PXK: variants seen among roughly 807,000 people sequenced by gnomAD.
PXK encodes the protein PX domain containing serine/threonine kinase like, also known as PX domain-containing protein kinase-like protein.
Under a neutral mutation model 84.7 loss-of-function variants are expected in PXK, and 35 were observed. That is an observed-to-expected ratio of 0.41 (90% CI 0.32 to 0.55). The LOEUF (loss-of-function observed/expected upper bound fraction) is 0.55. PXK is among the 20% of genes least tolerant of loss of function. The pLI is 0.21. For synonymous variants in PXK, 253 were observed against 260.8 expected (o/e 0.97, Z 0.29); for missense variants, 634 against 699.7 (o/e 0.91, Z 1.06).
intron 16 of PXK, 56 bp downstream of exon 16, chr3:58,410,215 C>A: frequency 7.4e-7 from 1 of 1,355,592 alleles, no homozygotes; most frequent in Non-Finnish European, 1.1e-6. Flanking sequence ...GATCAGGAGT[C>A]TCTAGTTGGT....
chr3:58,423,039 AC>A, intron 17 of PXK: 1 of 984,908 alleles, frequency 1.0e-6, no homozygotes, highest in African/African-American at 1.7e-5. Context: ...GCACCTACTT[AC>A]CCCCAAGTGG....
rs2059546847 is a variant in PXK, at chr3:58,407,331, T to G, written c.1231-1593T>G. On this transcript the variant is annotated intron_variant, in intron 13 of 17. Coordinates refer to ENST00000356151, the MANE Select transcript of PXK (RefSeq NM_017771.5). The surrounding 1 kb of genome is among the most constrained non-coding windows in gnomAD (Gnocchi z 4.3). ...AGACATTGAGTGTCTTTTCATATGT[T>G]TTTTGGCCATTTGTATATTTTCTTT... Among the ~76,000 whole-genome samples, 1 of 152,206 alleles carries G rather than the reference T, an allele frequency of 6.6e-6. No homozygotes were observed. Among genetic ancestry groups the G allele is most frequent in the Non-Finnish European group, 1.5e-5 (1 of 68,044 alleles).
chr3:58,401,216 G>A lies in PXK; in HGVS notation c.1181+1839G>A, dbSNP rs992189798. ...ATGTTCAATTAAAATGTGTCCTCTG[G>A]AAGTAAAGAGATGTGTGGCTGAGGG... On this transcript the variant is annotated intron_variant, in intron 12 of 17. Coordinates refer to ENST00000356151, the MANE Select transcript of PXK (RefSeq NM_017771.5). The surrounding 1 kb of genome is among the most constrained non-coding windows in gnomAD (Gnocchi z 4.4). Among the ~76,000 whole-genome samples, 17 of 152,188 alleles carry A rather than the reference G, an allele frequency of 1.1e-4. No individual in the cohort carries two copies. Among genetic ancestry groups the A allele is most frequent in the Admixed American group, 3.9e-4 (6 of 15,282 alleles).
intron 7 of PXK, among the ~76,000 whole-genome samples, chr3:58,393,416 A>G (rs11130635): frequency 0.29 from 44,485 of 151,970 alleles, 7,253 homozygotes; most frequent in Middle Eastern, 0.39. Context: ...GAACCAAAAT[A>G]TTCAGTTGTT....
intron 17 of PXK, among the ~76,000 whole-genome samples, chr3:58,423,941 CG>C: frequency 6.6e-6 from 1 of 152,140 alleles, no homozygotes; most frequent in East Asian, 1.9e-4. Flanking sequence ...TTGCCCACTG[CG>C]GTACAGCACG....
In PXK at chr3:58,397,155, G is replaced by A. The variant is rs1427118124; in HGVS notation, c.939G>A (p.Leu313=). The A allele has an allele frequency of 3.1e-6, 5 of 1,614,156 alleles. No individual in the cohort carries two copies. Among genetic ancestry groups the A allele is most frequent in the African/African-American group, 2.7e-5 (2 of 75,046 alleles). Residue 313 remains leucine, a synonymous_variant, in exon 10 of 18, where the codon CTG becomes CTA. Coordinates refer to ENST00000356151, the MANE Select transcript of PXK (RefSeq NM_017771.5). The surrounding 1 kb of genome is among the most constrained non-coding windows in gnomAD (Gnocchi z 4.7). ...LLDLENSLLG[L]PSFYRSYFSQ... ...ACCTTGAGAATTCCTTATTGGGCCT[G>A]CCTTCCTTCTACCGATCTTATTTTT...
Position 58,395,108 on chromosome 3 carries a change from T to C in PXK, c.720+6T>C. ...TGAAGGATCTGATCTACAAGGTACC[T>C]GTGCAAGTTCATGGTCATAAGGAAT... On this transcript the variant is annotated splice_donor_region_variant and intron_variant, in intron 8 of 17. Transcript: ENST00000356151. The C allele has an allele frequency of 5.0e-6, 8 of 1,587,048 alleles. No individual in the cohort carries two copies. The highest frequency in any genetic ancestry group is 6.1e-6 in the Non-Finnish European group (7 of 1,156,050).
At chr3:58,343,186 C>T (rs781434745) in intron 1 of PXK, among the ~76,000 whole-genome samples, 1 of 152,222 alleles carries the variant, frequency 6.6e-6, no homozygotes. Context: ...CCTTTTGAGC[C>T]TGCCCTTCCA....
At chr3:58,403,154 A>G (rs1432843441) in intron 12 of PXK, among the ~76,000 whole-genome samples, 1 of 151,768 alleles carries the variant, frequency 6.6e-6, no homozygotes, top group Non-Finnish European at 1.5e-5. Flanking sequence ...ATAGGCACGC[A>G]CCACCACACC....
In PXK at chr3:58,383,330, C is replaced by T. The variant is rs1470047064; in HGVS notation, c.388+630C>T. Among the ~76,000 whole-genome samples, 1 of 152,150 alleles carries T rather than the reference C, an allele frequency of 6.6e-6. No individual in the cohort carries two copies. The highest frequency in any genetic ancestry group is 1.5e-5 in the Non-Finnish European group (1 of 68,036). Reference sequence around the variant, plus strand: ...TAATAATAATTAATCCACAATAACGCATACAGTAATTTTTATATTACTTTT... The same window carrying T: ...TAATAATAATTAATCCACAATAACGTATACAGTAATTTTTATATTACTTTT... On this transcript the variant is annotated intron_variant, in intron 4 of 17. Transcript: ENST00000356151. This position sits in a 1 kb window ranked among gnomAD's most constrained non-coding sequence, Gnocchi z 4.0.
At chr3:58,353,210 A>G (rs1048191803) in intron 1 of PXK, among the ~76,000 whole-genome samples, 25 of 152,136 alleles carry the variant, frequency 1.6e-4, no homozygotes, top group South Asian at 6.2e-4. Flanking sequence ...TGTTAGCCAG[A>G]ATGGTCTTGA....
intron 17 of PXK, chr3:58,422,727 G>A: frequency 1.0e-6 from 1 of 985,374 alleles, no homozygotes. Context: ...TGCCAAGATG[G>A]CAGCCCCTAC....
intron 1 of PXK, among the ~76,000 whole-genome samples, chr3:58,339,116 T>C (rs908126007): frequency 6.6e-6 from 1 of 152,198 alleles, no homozygotes; most frequent in Non-Finnish European, 1.5e-5. Flanking sequence ...AACCCTGAGT[T>C]GAAAGCTTTT....
In PXK at chr3:58,397,225, G is replaced by A. The variant is rs1345878680; in HGVS notation, c.984+25G>A. 13 of 1,609,048 alleles carry A rather than the reference G, an allele frequency of 8.1e-6. No homozygotes were observed. Among genetic ancestry groups the A allele is most frequent in the South Asian group, 1.1e-5 (1 of 90,950 alleles). On this transcript the variant is annotated intron_variant, in intron 10 of 17. Coordinates refer to ENST00000356151, the MANE Select transcript of PXK (RefSeq NM_017771.5). The surrounding 1 kb of genome is among the most constrained non-coding windows in gnomAD (Gnocchi z 4.7). Reference sequence around the variant, plus strand: ...TGTAAGTTGCTAAAGTAATGAAATAGCAGGTTCATTTTTAGGTGTCAGTTA... The same window carrying A: ...TGTAAGTTGCTAAAGTAATGAAATAACAGGTTCATTTTTAGGTGTCAGTTA...
rs1451911599 is a variant in PXK at position 58,411,632 on chromosome 3, C to T, written c.1466-1269C>T. ...TGCTCTCTACCTTCTAAGACCCTGC[C>T]TGCCTGCAAAGCTGTGTCACATGAA... On this transcript the variant is annotated intron_variant, in intron 16 of 17. Coordinates refer to ENST00000356151, the MANE Select transcript of PXK (RefSeq NM_017771.5). The surrounding 1 kb of genome is among the most constrained non-coding windows in gnomAD (Gnocchi z 4.2). Among the ~76,000 whole-genome samples, 1 of 152,134 alleles carries T rather than the reference C, an allele frequency of 6.6e-6. No individual in the cohort carries two copies. The highest frequency in any genetic ancestry group is 2.4e-5 in the African/African-American group (1 of 41,426).
chr3:58,420,528 G>C (rs764096372), intron 17 of PXK: 1 of 1,535,840 alleles, frequency 6.5e-7, no homozygotes, highest in South Asian at 1.2e-5. Flanking sequence ...TCTCTTTGCT[G>C]TTTTCAGTAG....
intron 17 of PXK, among the ~76,000 whole-genome samples, chr3:58,417,153 A>G (rs1467358740): frequency 6.6e-6 from 1 of 151,992 alleles, no homozygotes; most frequent in African/African-American, 2.4e-5. Flanking sequence ...CACTCCTCTC[A>G]CCTCAGCCTC....
At chr3:58,417,006 G>C (rs1355058809) in intron 17 of PXK, among the ~76,000 whole-genome samples, 5 of 152,202 alleles carry the variant, frequency 3.3e-5, no homozygotes, top group Non-Finnish European at 5.9e-5. Context: ...CTGGGCTCAA[G>C]TGATCCTCCT....
chr3:58,335,050 TG>T (rs1287571457), intron 1 of PXK, among the ~76,000 whole-genome samples: 1 of 146,678 alleles, frequency 6.8e-6, no homozygotes, highest in Non-Finnish European at 1.5e-5. Context: ...TGTGTGTGTG[TG>T]TGTGTGTGGA....
Sources: gnomAD v4.1 joint callset for allele counts (sites outside exome capture counted in the v4.1 genomes callset) on GRCh38, gnomAD v4.1.1 for gene constraint, Gnocchi (gnomAD v3.1) non-coding constraint, MANE v1.5 for transcripts, NCBI Gene and HGNC (gene_info 2026-07-23, HGNC 2026-07-21) for gene names.